The following MYZAP variants were observed in gnomAD, a reference collection of about 807,000 sequenced individuals.
MYZAP encodes the protein GRINL1A complex locus upstream.
Under a neutral mutation model 69.4 loss-of-function variants are expected in MYZAP, and 66 were observed. The observed-to-expected ratio is 0.95, with a 90% CI of 0.78 to 1.17. The LOEUF (loss-of-function observed/expected upper bound fraction) is 1.17, where lower values mean the gene tolerates loss of function less well. Ranked by LOEUF, MYZAP falls within the 50% of genes most tolerant of loss-of-function variation. The pLI is 0.00. For missense variants in MYZAP, 611 were observed against 556.2 expected, an observed-to-expected ratio of 1.10 and a Z score of -0.99; for synonymous variants, 256 against 205.9, an observed-to-expected ratio of 1.24 and a Z score of -2.09.
intron 1 of MYZAP, among the ~76,000 whole-genome samples, chr15:57,596,301 C>T (rs1465138389): frequency 1.3e-5 from 2 of 152,192 alleles, no homozygotes; most frequent in Admixed American, 1.3e-4. Flanking sequence ...TGTCACTAAG[C>T]CCTGGTCACT....
chr15:57,617,355 C>A lies in MYZAP; in HGVS notation c.163-678C>A, dbSNP rs186127476. Among the ~76,000 whole-genome samples, 77 of 152,230 alleles carry A rather than the reference C, an allele frequency of 5.1e-4. 1 individual carries two copies. In the East Asian group the frequency reaches 0.014, roughly 28 times the overall value. ...TTGTTAAGCCTTCATTCTATAAAGGCGTGTTAAGGCTTGGACATGTTACTG... is the reference window on the plus strand; with the variant it reads ...TTGTTAAGCCTTCATTCTATAAAGGAGTGTTAAGGCTTGGACATGTTACTG... On this transcript the variant is annotated intron_variant, in intron 2 of 12. Transcript: ENST00000267853.
chr15:57,658,364 AATG>A (rs1371439925), intron 10 of MYZAP, among the ~76,000 whole-genome samples: 8 of 152,300 alleles, frequency 5.3e-5, no homozygotes, highest in Non-Finnish European at 1.2e-4. Context: ...TAACAAAATT[AATG>A]ATAATTCCTT....
intron 2 of MYZAP, among the ~76,000 whole-genome samples, chr15:57,614,006 C>T (rs187643557): frequency 2.0e-5 from 3 of 151,754 alleles, no homozygotes; most frequent in Non-Finnish European, 4.4e-5. Flanking sequence ...TCTTTTTTTC[C>T]CCGTGTTCAG....
rs946165104 is a variant in MYZAP, at chr15:57,685,068, C to T, written c.*570C>T. On this transcript the variant is annotated 3_prime_UTR_variant, in exon 13 of 13. Transcript: ENST00000267853. ...GGGTCGTGGGAGCCACACTGAGAGA[C>T]TTGTGTGGGCCAGACAAGCTTCATT... The T allele has an allele frequency of 5.3e-5, 8 of 152,310 alleles. No individual in the cohort carries two copies. The East Asian group carries it at 1.5e-3, about 29-fold the overall frequency. The allele number at this position is 152,310 out of a possible 1,614,324, so 9.4% of individuals were successfully genotyped here.
At chr15:57,613,185 G>A (rs1567205685) in intron 2 of MYZAP, among the ~76,000 whole-genome samples, 1 of 152,260 alleles carries the variant, frequency 6.6e-6, no homozygotes, top group East Asian at 1.9e-4. Flanking sequence ...ACCTGCCTCG[G>A]CCTCCCAAAG....
chr15:57,658,530 T>C (rs577520898), intron 10 of MYZAP, among the ~76,000 whole-genome samples: 1 of 152,236 alleles, frequency 6.6e-6, no homozygotes, highest in African/African-American at 2.4e-5. Context: ...CCGACTACTT[T>C]TATTCGTACC....
At chr15:57,610,841 A>G (rs1595863423) in intron 2 of MYZAP, among the ~76,000 whole-genome samples, 2 of 152,108 alleles carry the variant, frequency 1.3e-5, no homozygotes, top group South Asian at 4.2e-4. Context: ...ACTGGACTAT[A>G]CAACTCTTTT....
intron 12 of MYZAP, among the ~76,000 whole-genome samples, chr15:57,683,066 C>T (rs2039520851): frequency 6.6e-6 from 1 of 152,072 alleles, no homozygotes; most frequent in African/African-American, 2.4e-5. Flanking sequence ...GGGAAATAAA[C>T]AAGGGACAGT....
rs1282281514 is a variant in MYZAP, at chr15:57,592,027, G to A, written c.-8G>A. 4.9e-6 allele frequency: 7 copies of A among 1,433,800 alleles called. No homozygotes were observed. The highest frequency in any genetic ancestry group is 4.2e-5 in the South Asian group (3 of 71,268). The allele number at this position is 1,433,800 out of a possible 1,614,324, so 88.8% of individuals were successfully genotyped here. The stretch of plus-strand genomic sequence containing the variant: ...GGCGTCCAGCCCGCTACCGACCGCC[G>A]CTGCGGGATGCTGCGCTCCACGTCC... On this transcript the variant is annotated 5_prime_UTR_variant, in exon 1 of 13. Transcript: ENST00000267853.
At chr15:57,616,990 A>T (rs1422185627) in intron 2 of MYZAP, among the ~76,000 whole-genome samples, 1 of 151,960 alleles carries the variant, frequency 6.6e-6, no homozygotes, top group Admixed American at 6.6e-5. Context: ...AGAGAAGGTC[A>T]GTTTGTCTGA....
intron 8 of MYZAP, 66 bp downstream of exon 8, chr15:57,633,807 A>G: frequency 7.2e-7 from 1 of 1,390,274 alleles, no homozygotes; most frequent in Non-Finnish European, 9.4e-7. Context: ...CATCTGAGAT[A>G]CGAGAGGCCC....
Position 57,629,823 on chromosome 15 carries a change from C to T in MYZAP, c.647C>T (p.Ala216Val), listed in dbSNP as rs773469134. 1.2e-5 allele frequency: 20 copies of T among 1,613,514 alleles called. No individual in the cohort carries two copies. Among genetic ancestry groups the T allele is most frequent in the East Asian group, 6.7e-5 (3 of 44,868 alleles). Residue 216 changes from alanine (A) to valine (V), a missense_variant, in exon 6 of 13, where the codon GCG (alanine) becomes GTG (valine). Ala to Val is a moderately conservative substitution (Grantham distance 64). Coordinates refer to ENST00000267853, the MANE Select transcript of MYZAP (RefSeq NM_001018100.5). Reference protein sequence around the residue: ...LREKQRQLEVAQVENQLLKMK... With the variant: ...LREKQRQLEVVQVENQLLKMK... The stretch of plus-strand genomic sequence containing the variant: ...GAAAAGCAGAGGCAGTTGGAGGTAG[C>T]GCAAGTTGAAAACCAGCTGCTAAAA...
intron 10 of MYZAP, among the ~76,000 whole-genome samples, chr15:57,652,113 T>C (rs1263670449): frequency 2.0e-5 from 3 of 152,174 alleles, no homozygotes; most frequent in African/African-American, 7.2e-5. Context: ...TAATTGAAAA[T>C]GAATTTCCAC....
intron 1 of MYZAP, chr15:57,599,787 T>C: frequency 9.5e-7 from 1 of 1,049,246 alleles, no homozygotes; most frequent in Non-Finnish European, 1.3e-6. Context: ...GGAGGTAGAC[T>C]GTACTCGGAC....
intron 10 of MYZAP, among the ~76,000 whole-genome samples, chr15:57,651,616 G>A (rs1444913289): frequency 1.3e-5 from 2 of 152,180 alleles, no homozygotes; most frequent in Non-Finnish European, 2.9e-5. Context: ...ATGCTTACTT[G>A]GGTCGTAATA....
intron 11 of MYZAP, among the ~76,000 whole-genome samples, chr15:57,671,165 G>A (rs1290667943): frequency 6.6e-6 from 1 of 152,046 alleles, no homozygotes; most frequent in African/African-American, 2.4e-5. Flanking sequence ...TGAAAGTAAG[G>A]TTTTTATTTC....
At chr15:57,661,337 T>A (rs2038292526) in intron 10 of MYZAP, 113 bp from the exon 11 acceptor site, 9 of 827,012 alleles carry the variant, frequency 1.1e-5, no homozygotes. Flanking sequence ...TGAGGAAAAA[T>A]AGAAATAGAA....
chr15:57,647,346 G>A lies in MYZAP; in HGVS notation c.1119+7801G>A, dbSNP rs374597318. The A allele has an allele frequency of 1.8e-5, 18 of 985,414 alleles. No individual in the cohort carries two copies. The African/African-American group carries it at 2.8e-4, about 15-fold the overall frequency. 61.0% of individuals were successfully genotyped at this position (985,414 alleles called of 1,614,324 possible). ...TCAGACTTCCACTAGGGAGACAGAG[G>A]CAGATTTGAGAATCTCATCTGGATG... On this transcript the variant is annotated intron_variant, in intron 10 of 12. Transcript: ENST00000267853.
intron 2 of MYZAP, among the ~76,000 whole-genome samples, chr15:57,604,865 G>A (rs542552567): frequency 5.3e-4 from 80 of 152,348 alleles, no homozygotes; most frequent in African/African-American, 1.9e-3. Context: ...GACAGCTCCT[G>A]TGCTAAGTGC....
Sources: gnomAD v4.1 joint callset for allele counts (sites outside exome capture counted in the v4.1 genomes callset) on GRCh38, gnomAD v4.1.1 for gene constraint, MANE v1.5 for transcripts, NCBI Gene and HGNC (gene_info 2026-07-23, HGNC 2026-07-21) for gene names.